PTPN9: variants seen among roughly 807,000 people sequenced by gnomAD.
PTPN9 encodes the protein tyrosine-protein phosphatase non-receptor type 9.
Under a neutral mutation model 69.8 loss-of-function variants are expected in PTPN9, and 26 were observed. The ratio of observed to expected loss-of-function variants is 0.37; its 90% CI spans 0.27 to 0.52. PTPN9 has a LOEUF of 0.52. PTPN9 is among the 20% of genes least tolerant of loss of function. PTPN9 has a pLI of 0.91. For synonymous variants in PTPN9, 274 were observed against 272.5 expected (o/e 1.01, Z -0.05); for missense variants, 549 against 740.3 (o/e 0.74, Z 3.00).
chr15:75,548,819 A>T (rs1442629795), intron 1 of PTPN9, among the ~76,000 whole-genome samples: 1 of 151,282 alleles, frequency 6.6e-6, no homozygotes, highest in Non-Finnish European at 1.5e-5. Flanking sequence ...ACGCCCGGCT[A>T]ATTTTTTGTA....
chr15:75,556,813 T>C (rs2075079805), intron 1 of PTPN9, among the ~76,000 whole-genome samples: 1 of 152,216 alleles, frequency 6.6e-6, no homozygotes, highest in Non-Finnish European at 1.5e-5. Flanking sequence ...AATTGTTTTA[T>C]CATACCCAGC....
At chr15:75,530,747 TATATA>T (rs1471485450) in intron 1 of PTPN9, among the ~76,000 whole-genome samples, 10 of 77,178 alleles carry the variant, frequency 1.3e-4, no homozygotes, top group Admixed American at 4.9e-4. Flanking sequence ...TTATATAATA[TATATA>T]ATATAATATA....
At chr15:75,511,444 T>C (rs2074844831) in intron 5 of PTPN9, among the ~76,000 whole-genome samples, 1 of 151,994 alleles carries the variant, frequency 6.6e-6, no homozygotes, top group South Asian at 2.1e-4. Flanking sequence ...AATGGTTTCA[T>C]CGTGTTGCCC....
At chr15:75,556,036 CAAA>C (rs75583219) in intron 1 of PTPN9, among the ~76,000 whole-genome samples, 1 of 43,280 alleles carries the variant, frequency 2.3e-5, no homozygotes. Flanking sequence ...ACCCCCGTCT[CAAA>C]AAAAAAAAAA....
chr15:75,503,587 G>A (rs1454306205), intron 7 of PTPN9, among the ~76,000 whole-genome samples: 4 of 139,564 alleles, frequency 2.9e-5, no homozygotes, highest in East Asian at 2.3e-4. Context: ...CCGTCCGGGA[G>A]GGAGGTGGGG....
chr15:75,535,128 C>T (rs1359043612), intron 1 of PTPN9, among the ~76,000 whole-genome samples: 1 of 151,586 alleles, frequency 6.6e-6, no homozygotes, highest in Non-Finnish European at 1.5e-5. Context: ...TCCTGAGTAG[C>T]TGGGACTACA....
At chr15:75,542,786 A>G (rs1266796661) in intron 1 of PTPN9, among the ~76,000 whole-genome samples, 1 of 151,754 alleles carries the variant, frequency 6.6e-6, no homozygotes, top group East Asian at 1.9e-4. Context: ...TCCTTTGTAC[A>G]CATAAGACAG....
At chr15:75,472,331 C>T (rs552447772) in intron 10 of PTPN9, among the ~76,000 whole-genome samples, 9 of 151,112 alleles carry the variant, frequency 6.0e-5, no homozygotes, top group African/African-American at 1.7e-4. Flanking sequence ...AGGTGGCGGG[C>T]GCCTGAAGTC....
chr15:75,495,118 A>C (rs2074732487), intron 7 of PTPN9, among the ~76,000 whole-genome samples: 1 of 152,202 alleles, frequency 6.6e-6, no homozygotes, highest in Admixed American at 6.6e-5. Flanking sequence ...TTGCCTTAAA[A>C]ATTCTGAGAT....
chr15:75,558,524 CCT>C (rs763796281), intron 1 of PTPN9, among the ~76,000 whole-genome samples: 20 of 152,012 alleles, frequency 1.3e-4, no homozygotes, highest in Non-Finnish European at 2.8e-4. Context: ...TCCCCCTCCC[CCT>C]CTCCCCACGG....
At chr15:75,470,618 T>C in intron 11 of PTPN9, 62 bp downstream of exon 11, 1 of 1,564,684 alleles carries the variant, frequency 6.4e-7, no homozygotes, top group Non-Finnish European at 8.8e-7. Context: ...CTGGAGATTT[T>C]CATTACAGTA....
intron 1 of PTPN9, among the ~76,000 whole-genome samples, chr15:75,548,481 C>T (rs1361179240): frequency 6.6e-6 from 1 of 151,138 alleles, no homozygotes; most frequent in South Asian, 2.1e-4. Flanking sequence ...GTCTTGAACT[C>T]CTGATTTCGT....
intron 7 of PTPN9, among the ~76,000 whole-genome samples, chr15:75,492,294 G>A (rs1040806653): frequency 6.6e-6 from 1 of 152,158 alleles, no homozygotes; most frequent in African/African-American, 2.4e-5. Flanking sequence ...TGACAGTGGA[G>A]ACATCAGCAC....
rs143801226 is a variant in PTPN9 at position 75,467,661 on chromosome 15, A to C, written c.*1108T>G. 6.6e-6 allele frequency: 1 copy of C among 152,388 alleles called. No homozygotes were observed. The highest frequency in any genetic ancestry group is 6.5e-5 in the Admixed American group (1 of 15,274). 9.4% of individuals were successfully genotyped at this position (152,388 alleles called of 1,614,324 possible). On this transcript the variant is annotated 3_prime_UTR_variant, in exon 13 of 13. Coordinates refer to ENST00000618819, the MANE Select transcript of PTPN9 (RefSeq NM_002833.4). ...CCCCAGCTCATCCTCCCAGGGAGGT[A>C]TTTTCTTAGTGGTTTTTTCTTTCTC...
intron 7 of PTPN9, among the ~76,000 whole-genome samples, chr15:75,501,555 C>T (rs1467656804): frequency 6.6e-6 from 1 of 150,710 alleles, no homozygotes. Flanking sequence ...GTCTTGACCT[C>T]CCGGGCTCAA....
chr15:75,558,870 G>C (rs995242544), intron 1 of PTPN9, among the ~76,000 whole-genome samples: 1 of 151,954 alleles, frequency 6.6e-6, no homozygotes, highest in African/African-American at 2.4e-5. Context: ...GCGTGATCTC[G>C]GCTCGCTACA....
rs199750756 is a variant in PTPN9 at position 75,549,347 on chromosome 15, TG to T, written c.64-22087del. ...TCCTGAGTAGTTGGGACTACAGGGG[TG>T]GACCACCACACTTGGCTAATTTCTG... On this transcript the variant is annotated intron_variant, in intron 1 of 12. Transcript: ENST00000618819. Among the ~76,000 whole-genome samples the T allele has an allele frequency of 6.8e-3, 1,033 of 151,980 alleles. 15 individuals are homozygous for T. The highest frequency in any genetic ancestry group is 0.022 in the South Asian group (106 of 4,822).
chr15:75,574,425 C>T (rs2075162421), intron 1 of PTPN9, among the ~76,000 whole-genome samples: 1 of 151,912 alleles, frequency 6.6e-6, no homozygotes, highest in Non-Finnish European at 1.5e-5. Flanking sequence ...TATGGATGGA[C>T]CAGGTGGGAA....
chr15:75,489,500 A>C (rs886708881), intron 8 of PTPN9, among the ~76,000 whole-genome samples: 1 of 152,094 alleles, frequency 6.6e-6, no homozygotes, highest in African/African-American at 2.4e-5. Context: ...GAGGTACAAG[A>C]ATCACTTGAG....
Sources: allele counts gnomAD v4.1 joint callset (sites outside exome capture counted in the v4.1 genomes callset), GRCh38; gene constraint gnomAD v4.1.1; transcripts MANE v1.5; gene names NCBI Gene and HGNC (gene_info 2026-07-23, HGNC 2026-07-21).